The following MEGF6 variants were observed in gnomAD, a reference collection of about 807,000 sequenced individuals.
MEGF6 encodes multiple EGF like domains 6, also known as multiple epidermal growth factor-like domains protein 6.
A neutral mutation model predicts 207.1 loss-of-function variants in MEGF6; 184 were observed. The observed-to-expected ratio is 0.89, with a 90% confidence interval of 0.79 to 1.00. The LOEUF is 1.00. Among genes scored for constraint, MEGF6 ranks in the 50% least tolerant of loss-of-function variants. The pLI is 0.00. For missense variants in MEGF6, 2,282 were observed against 2,202.9 expected, an observed-to-expected ratio of 1.04 and a Z score of -0.72; for synonymous variants, 1,038 against 910.0, an observed-to-expected ratio of 1.14 and a Z score of -2.53.
intron 4 of MEGF6, among the ~76,000 whole-genome samples, chr1:3,544,237 C>A (rs1032889992): frequency 8.8e-5 from 13 of 147,328 alleles, no homozygotes; most frequent in African/African-American, 2.7e-4. Flanking sequence ...CCTCTCCCCC[C>A]AGCATCGCAG....
chr1:3,538,124 G>C (rs1642389258), intron 4 of MEGF6, among the ~76,000 whole-genome samples: 1 of 152,236 alleles, frequency 6.6e-6, no homozygotes, highest in Non-Finnish European at 1.5e-5. Flanking sequence ...CCCCGCCCCT[G>C]CAAGTGGCAC....
chr1:3,562,925 A>C (rs1374409522), intron 4 of MEGF6, among the ~76,000 whole-genome samples: 1 of 151,970 alleles, frequency 6.6e-6, no homozygotes, highest in Non-Finnish European at 1.5e-5. Context: ...ACCCACCCCC[A>C]GGAAGGACGG....
intron 4 of MEGF6, among the ~76,000 whole-genome samples, chr1:3,557,389 A>G (rs1319776592): frequency 6.6e-6 from 1 of 152,212 alleles, no homozygotes; most frequent in Non-Finnish European, 1.5e-5. Context: ...TCCCGGCTGC[A>G]GCTGCCCTTG....
intron 4 of MEGF6, among the ~76,000 whole-genome samples, chr1:3,579,201 T>A (rs1326233774): frequency 6.6e-6 from 1 of 152,230 alleles, no homozygotes; most frequent in Non-Finnish European, 1.5e-5. Flanking sequence ...CCGCTTCCCA[T>A]GGCCCAAATG....
chr1:3,589,053 G>C (rs958916361), intron 3 of MEGF6, among the ~76,000 whole-genome samples: 1 of 152,140 alleles, frequency 6.6e-6, no homozygotes, highest in African/African-American at 2.4e-5. Flanking sequence ...TGAACACCAC[G>C]ACTGAGATGA....
chr1:3,525,909 A>T (rs1308855819), intron 4 of MEGF6, among the ~76,000 whole-genome samples: 6 of 152,210 alleles, frequency 3.9e-5, no homozygotes, highest in Non-Finnish European at 8.8e-5. Context: ...GATCGAGGCA[A>T]ACAGAACAGA....
rs146660190 is a variant in MEGF6 at position 3,543,478 on chromosome 1, A to C, written c.482-19232T>G. On this transcript the variant is annotated intron_variant, in intron 4 of 36. Coordinates refer to ENST00000356575, the MANE Select transcript of MEGF6 (RefSeq NM_001409.4). ...GGCAGAGGGACAGAGAAAACACAGC[A>C]GGCTCCTGGCCTTTGGCAGGGCCCC... 2.3e-3 allele frequency among the ~76,000 whole-genome samples: 353 copies of C among 152,352 alleles called. 1 individual carries two copies. Among genetic ancestry groups the C allele is most frequent in the African/African-American group, 8.2e-3 (341 of 41,590 alleles).
intron 2 of MEGF6, among the ~76,000 whole-genome samples, chr1:3,602,199 G>A (rs1644171280): frequency 1.3e-5 from 2 of 152,202 alleles, no homozygotes; most frequent in South Asian, 4.1e-4. Context: ...ATCCTCCCGG[G>A]CTGGGCCCCT....
chr1:3,531,186 G>T (rs768540757), intron 4 of MEGF6: 1 of 1,521,062 alleles, frequency 6.6e-7, no homozygotes, highest in Non-Finnish European at 8.8e-7. Context: ...CGCGCGCCAG[G>T]CCCCCCAGGA....
intron 1 of MEGF6, among the ~76,000 whole-genome samples, chr1:3,605,941 G>C (rs1267594354): frequency 6.6e-6 from 1 of 152,178 alleles, no homozygotes; most frequent in Non-Finnish European, 1.5e-5. Context: ...CGTGCTTCCT[G>C]CGCCCCTTCA....
chr1:3,553,184 C>T (rs1557771827), intron 4 of MEGF6, among the ~76,000 whole-genome samples: 1 of 150,616 alleles, frequency 6.6e-6, no homozygotes, highest in Non-Finnish European at 1.5e-5. Flanking sequence ...CCCCCAAATC[C>T]TCTTCCTTCC....
intron 4 of MEGF6, among the ~76,000 whole-genome samples, chr1:3,572,698 T>C (rs1330941296): frequency 7.3e-6 from 1 of 136,324 alleles, no homozygotes; most frequent in Non-Finnish European, 1.5e-5. Context: ...CCTTCCTGAG[T>C]GTGTTAGGTT....
chr1:3,502,048 CCCGG>C lies in MEGF6; in HGVS notation c.2189-131_2189-128del, dbSNP rs79151985. ...CATGGGCTCCTGGCGAGTGTGCCCC[CCCGG>C]CGCCTCCTCACATGGGCTCCTGGCG... is the stretch of plus-strand genomic sequence containing the variant. On this transcript the variant is annotated intron_variant, in intron 17 of 36. Coordinates refer to ENST00000356575, the MANE Select transcript of MEGF6 (RefSeq NM_001409.4). 1,507 of 1,188,278 alleles carry C rather than the reference CCCGG, an allele frequency of 1.3e-3. 17 individuals are homozygous for C. Among genetic ancestry groups the C allele is most frequent in the African/African-American group, 4.7e-3 (152 of 32,088 alleles). 73.6% of individuals were successfully genotyped at this position (1,188,278 alleles called of 1,614,324 possible). A position where few individuals can be genotyped will look rare whatever the true frequency, so the allele number is the denominator to read the frequency against.
At chr1:3,532,644 C>T (rs1642214570) in intron 4 of MEGF6, among the ~76,000 whole-genome samples, 1 of 152,220 alleles carries the variant, frequency 6.6e-6, no homozygotes, top group Non-Finnish European at 1.5e-5. Context: ...AATAGGTGAG[C>T]GGTGGGCACA....
Position 3,512,001 on chromosome 1 carries a change from C to A in MEGF6, c.976+5G>T, listed in dbSNP as rs1189667448. The A allele has an allele frequency of 6.2e-7, 1 of 1,612,002 alleles. No homozygotes were observed. The highest frequency in any genetic ancestry group is 8.5e-7 in the Non-Finnish European group (1 of 1,179,932). ...CCTTCAGCCTGTTGCCGGCTGCCCA[C>A]TCACGGTAGCACTGCCGGCCATCGG... On this transcript the variant is annotated splice_donor_5th_base_variant and intron_variant, in intron 8 of 36. Coordinates refer to ENST00000356575, the MANE Select transcript of MEGF6 (RefSeq NM_001409.4).
Position 3,499,160 on chromosome 1 carries a change from C to G in MEGF6, c.3072G>C (p.Trp1024Cys). Residue 1024 changes from tryptophan (W) to cysteine (C), a missense_variant, in exon 24 of 37, where the codon TGG becomes TGC. Coordinates refer to ENST00000356575, the MANE Select transcript of MEGF6 (RefSeq NM_001409.4). Reference protein sequence around the residue: ...VHGQCHCAPGWMGPSCLQACP... With the variant: ...VHGQCHCAPGCMGPSCLQACP... ...TACCCTGCAGGCAGGAGGGCCCCATCCAGCCAGGGGCACAGTGGCACTGCC... is the reference window on the plus strand; with the variant it reads ...TACCCTGCAGGCAGGAGGGCCCCATGCAGCCAGGGGCACAGTGGCACTGCC... 6.2e-7 allele frequency: 1 copy of G among 1,604,372 alleles called. No homozygotes were observed. The highest frequency in any genetic ancestry group is 8.5e-7 in the Non-Finnish European group (1 of 1,176,788).
rs78517867 is a variant in MEGF6 at position 3,592,455 on chromosome 1, C to T, written c.376+2883G>A. On this transcript the variant is annotated intron_variant, in intron 3 of 36. Coordinates refer to ENST00000356575, the MANE Select transcript of MEGF6 (RefSeq NM_001409.4). The stretch of plus-strand genomic sequence containing the variant: ...TGCTCATCCTCACTCCTGCAGGCCT[C>T]GTCACACCCTGGCCACAGGAGAAGC... Among the ~76,000 whole-genome samples the T allele has an allele frequency of 6.4e-3, 981 of 152,206 alleles. 12 individuals carry two copies. Among genetic ancestry groups the T allele is most frequent in the African/African-American group, 0.022 (898 of 41,534 alleles).
At chr1:3,501,639 C>G (rs1397943069) in intron 18 of MEGF6, among the ~76,000 whole-genome samples, 157 bp downstream of exon 18, 3 of 152,190 alleles carry the variant, frequency 2.0e-5, no homozygotes, top group African/African-American at 4.8e-5. Flanking sequence ...AGCCACAGAC[C>G]CCCCCTCCCT....
At chr1:3,508,763 C>A (rs1641215200) in intron 12 of MEGF6, 74 bp from the exon 13 acceptor site, 2 of 1,565,918 alleles carry the variant, frequency 1.3e-6, no homozygotes, top group Admixed American at 1.8e-5. Flanking sequence ...CCGGCTCAGA[C>A]CCTCAGGCCA....
Sources: gnomAD v4.1 joint callset for allele counts (sites outside exome capture counted in the v4.1 genomes callset) on GRCh38, gnomAD v4.1.1 for gene constraint, MANE v1.5 for transcripts, NCBI Gene and HGNC (gene_info 2026-07-23, HGNC 2026-07-21) for gene names.